AAR2: variants seen among roughly 807,000 people sequenced by gnomAD.
AAR2 encodes protein AAR2 homolog.
Under a neutral mutation model 26.9 loss-of-function variants are expected in AAR2, and 31 were observed. The ratio of observed to expected loss-of-function variants is 1.15; its 90% confidence interval spans 0.86 to 1.55. The LOEUF (loss-of-function observed/expected upper bound fraction) is 1.55. AAR2 is among the 40% of genes most tolerant of loss of function. The pLI, the probability that AAR2 is intolerant of heterozygous loss-of-function variation, is 0.00. For missense variants in AAR2, 430 were observed against 491.3 expected (o/e 0.88, Z 1.18); for synonymous variants, 188 against 196.1 (o/e 0.96, Z 0.34).
At chr20:36,244,966 C>T (rs1220394530) in intron 3 of AAR2, 40 bp downstream of exon 3, 5 of 1,553,910 alleles carry the variant, frequency 3.2e-6, no homozygotes. Context: ...ACATGTGGGT[C>T]AGAATTGAGG....
At chr20:36,244,058 A>G (rs931598794) in intron 2 of AAR2, among the ~76,000 whole-genome samples, 2 of 152,252 alleles carry the variant, frequency 1.3e-5, no homozygotes, top group Non-Finnish European at 2.9e-5. Context: ...AATCTGTTTT[A>G]TCTTTCCGTT....
At chr20:36,245,003 A>C (rs1601179781) in intron 3 of AAR2, 77 bp downstream of exon 3, 1 of 1,373,874 alleles carries the variant, frequency 7.3e-7, no homozygotes, top group East Asian at 2.3e-5. Flanking sequence ...GTTTCTCGCT[A>C]TTCTTCCATG....
At chr20:36,242,408 TGAG>T (rs1052646270) in intron 2 of AAR2, among the ~76,000 whole-genome samples, 8 of 148,324 alleles carry the variant, frequency 5.4e-5, no homozygotes, top group South Asian at 2.1e-4. Flanking sequence ...TTGTTGTTGT[TGAG>T]ACGGAGTCTT....
chr20:36,242,547 C>T (rs1306867635), intron 2 of AAR2, among the ~76,000 whole-genome samples: 1 of 152,050 alleles, frequency 6.6e-6, no homozygotes, highest in East Asian at 1.9e-4. Context: ...CCCGCCACCA[C>T]GCCCGGCTAA....
intron 2 of AAR2, among the ~76,000 whole-genome samples, chr20:36,243,453 G>T (rs891328887): frequency 1.4e-4 from 21 of 152,234 alleles, no homozygotes; most frequent in Non-Finnish European, 2.8e-4. Flanking sequence ...GGTCTCTGGA[G>T]GTGGCACAGA....
intron 1 of AAR2, among the ~76,000 whole-genome samples, chr20:36,237,943 C>T (rs770172304): frequency 3.3e-5 from 5 of 151,762 alleles, no homozygotes; most frequent in African/African-American, 9.7e-5. Flanking sequence ...CCACCATGCG[C>T]GGCTAATTTT....
At chr20:36,239,735 C>A in intron 1 of AAR2, 86 bp from the exon 2 acceptor site, 1 of 1,066,864 alleles carries the variant, frequency 9.4e-7, no homozygotes. Flanking sequence ...AGGGGTCTAA[C>A]TCAATATCTG....
rs772413491 is a variant in AAR2, at chr20:36,240,533, CA to C, written c.666del (p.Ala223LeufsTer3). On this transcript the variant is annotated frameshift_variant, in exon 2 of 4. Coordinates refer to ENST00000320849, the MANE Select transcript of AAR2 (RefSeq NM_001271874.2). LOFTEE classifies it high-confidence loss of function. ...CAGATGTTCCCAGAGGGTGCCACGC[CA>C]GCTGAGATAACCAAGCACAGCATGG... ...PTQMFPEGAT[P>X]AEITKHSMDL... 19 of 1,613,846 alleles carry C rather than the reference CA, an allele frequency of 1.2e-5. No homozygotes were observed. Among genetic ancestry groups the C allele is most frequent in the Non-Finnish European group, 3.4e-6 (4 of 1,180,036 alleles).
intron 1 of AAR2, among the ~76,000 whole-genome samples, chr20:36,237,010 C>A (rs906065324): frequency 6.6e-6 from 1 of 152,060 alleles, no homozygotes; most frequent in Non-Finnish European, 1.5e-5. Flanking sequence ...CTGACCTAGC[C>A]CCAGGGCAAG....
chr20:36,236,523 C>G lies in AAR2; in HGVS notation c.-49+20C>G, dbSNP rs990287431. Reference sequence around the variant, plus strand: ...GAGGCGGTGAGTGTGGCCTCCTGGCCTCTTTTTCCTTTCCTGATTCCTTGT... The same window carrying G: ...GAGGCGGTGAGTGTGGCCTCCTGGCGTCTTTTTCCTTTCCTGATTCCTTGT... On this transcript the variant is annotated intron_variant, in intron 1 of 3. Coordinates refer to ENST00000320849, the MANE Select transcript of AAR2 (RefSeq NM_001271874.2). The G allele has an allele frequency of 6.6e-6, 1 of 152,266 alleles. No individual in the cohort carries two copies. Among genetic ancestry groups the G allele is most frequent in the African/African-American group, 2.4e-5 (1 of 41,460 alleles). 9.4% of individuals were successfully genotyped at this position (152,266 alleles called of 1,614,324 possible).
chr20:36,246,987 T>A (rs1351350351), intron 3 of AAR2, among the ~76,000 whole-genome samples: 5 of 152,230 alleles, frequency 3.3e-5, no homozygotes, highest in African/African-American at 4.8e-5. Flanking sequence ...AAGGGATTTG[T>A]TCATTGATTT....
chr20:36,242,039 G>T (rs371002464), intron 2 of AAR2, among the ~76,000 whole-genome samples: 1 of 151,196 alleles, frequency 6.6e-6, no homozygotes, highest in Non-Finnish European at 1.5e-5. Context: ...CAGCAAATAT[G>T]TGTCACATTT....
At chr20:36,247,241 A>C (rs2064742722) in intron 3 of AAR2, among the ~76,000 whole-genome samples, 2 of 152,124 alleles carry the variant, frequency 1.3e-5, no homozygotes, top group African/African-American at 4.8e-5. Context: ...CTGCCCTAGT[A>C]CCATTTCCCT....
Position 36,240,516 on chromosome 20 carries a change from C to T in AAR2, c.648C>T (p.Phe216=), listed in dbSNP as rs775715913. The change falls in exon 2 of 4, where the codon TTC becomes TTT. Residue 216 remains phenylalanine (F), a synonymous_variant. Transcript: ENST00000320849. Reference sequence around the variant, plus strand: ...TCTCAGAGCTGCCCACGCAGATGTTCCCAGAGGGTGCCACGCCAGCTGAGA... The same window carrying T: ...TCTCAGAGCTGCCCACGCAGATGTTTCCAGAGGGTGCCACGCCAGCTGAGA... The part of the protein sequence containing the change: ...IRFSELPTQM[F]PEGATPAEIT... 1.2e-6 allele frequency: 2 copies of T among 1,614,046 alleles called. No individual in the cohort carries two copies. The highest frequency in any genetic ancestry group is 1.7e-6 in the Non-Finnish European group (2 of 1,180,042).
At chr20:36,249,042 A>G (rs1205930928) in intron 3 of AAR2, among the ~76,000 whole-genome samples, 1 of 152,178 alleles carries the variant, frequency 6.6e-6, no homozygotes, top group East Asian at 1.9e-4. Flanking sequence ...TAGTCAAGTA[A>G]GTGGAACTGG....
chr20:36,243,462 G>C (rs1240811181), intron 2 of AAR2, among the ~76,000 whole-genome samples: 2 of 152,232 alleles, frequency 1.3e-5, no homozygotes, highest in Non-Finnish European at 2.9e-5. Flanking sequence ...AGGTGGCACA[G>C]ATCAAACGCC....
chr20:36,245,284 C>A (rs780884222), intron 3 of AAR2, among the ~76,000 whole-genome samples: 1 of 152,178 alleles, frequency 6.6e-6, no homozygotes, highest in Non-Finnish European at 1.5e-5. Flanking sequence ...TTGTTATTCC[C>A]AGTGAAACAT....
At chr20:36,240,758 G>A in intron 2 of AAR2, 133 bp downstream of exon 2, 3 of 1,207,818 alleles carry the variant, frequency 2.5e-6, no homozygotes, top group East Asian at 2.6e-5. Flanking sequence ...ATACAGGTGT[G>A]TCTTTACCCT....
At chr20:36,237,377 C>T (rs904567962) in intron 1 of AAR2, among the ~76,000 whole-genome samples, 1 of 152,030 alleles carries the variant, frequency 6.6e-6, no homozygotes, top group Non-Finnish European at 1.5e-5. Flanking sequence ...GAGTGAGGGA[C>T]GATGGTAGCT....
Sources: allele counts gnomAD v4.1 joint callset (sites outside exome capture counted in the v4.1 genomes callset), GRCh38; gene constraint gnomAD v4.1.1; transcripts MANE v1.5; gene names NCBI Gene and HGNC (gene_info 2026-07-23, HGNC 2026-07-21).